PRH1: variants seen among roughly 807,000 people sequenced by gnomAD.
PRH1 encodes proline rich protein HaeIII subfamily 1, also known as salivary acidic proline-rich phosphoprotein 1/2.
Under a neutral mutation model 7.9 loss-of-function variants are expected in PRH1, and 7 were observed. The ratio of observed to expected loss-of-function variants is 0.89; its 90% confidence interval spans 0.50 to 1.67. The LOEUF is 1.67. Ranked by LOEUF, PRH1 falls within the 40% of genes most tolerant of loss-of-function variation. The pLI is 0.00. For missense variants in PRH1, 109 were observed against 223.6 expected, an observed-to-expected ratio of 0.49 and a Z score of 3.27; for synonymous variants, 45 against 80.8, an observed-to-expected ratio of 0.56 and a Z score of 2.38.
At chr12:10,965,361 A>C (rs894120020) in intron 2 of PRH1, 1 of 1,100,378 alleles carries the variant, frequency 9.1e-7, no homozygotes, top group Non-Finnish European at 1.3e-6. Context: ...ATGTCTGAAC[A>C]GACAAAAAGA....
At chr12:11,154,383 C>T (rs959613304) in intron 1 of PRH1, among the ~76,000 whole-genome samples, 6 of 152,110 alleles carry the variant, frequency 3.9e-5, no homozygotes, top group Non-Finnish European at 8.8e-5. Context: ...ATATAAATGA[C>T]AGCCATATAC....
intron 2 of PRH1, among the ~76,000 whole-genome samples, chr12:10,899,147 T>G (rs1025763468): frequency 6.6e-6 from 1 of 152,216 alleles, no homozygotes; most frequent in African/African-American, 2.4e-5. Context: ...AATAAATTGT[T>G]TTTTATTTCA....
At chr12:11,053,396 T>A (rs1367145844) in intron 1 of PRH1, among the ~76,000 whole-genome samples, 1 of 151,802 alleles carries the variant, frequency 6.6e-6, no homozygotes, top group Non-Finnish European at 1.5e-5. Context: ...GTTTATTTAT[T>A]TTTCTTACTA....
Position 10,985,850 on chromosome 12 carries a change from A to G in PRH1, c.-125-12129T>C. 3 of 1,205,646 alleles carry G rather than the reference A, an allele frequency of 2.5e-6. No homozygotes were observed. In the South Asian group the frequency reaches 4.8e-5, roughly 19 times the overall value. The allele number at this position is 1,205,646 out of a possible 1,614,324, so 74.7% of individuals were successfully genotyped here. The stretch of plus-strand genomic sequence containing the variant: ...ACTCAAAAACATACACTACAGAAAA[A>G]ACAGTAAAAAGTATAAAATGTTCCA... On this transcript the variant is annotated intron_variant, in intron 1 of 3. Coordinates refer to the PRH1 transcript ENST00000539853.
chr12:11,086,293 G>T (rs77797086), intron 1 of PRH1, among the ~76,000 whole-genome samples: 53,254 of 112,594 alleles, frequency 0.47, 8,827 homozygotes, highest in Non-Finnish European at 0.56. Context: ...GTTATTTAAT[G>T]AAAATATTCA....
intron 2 of PRH1, among the ~76,000 whole-genome samples, chr12:10,963,785 A>G (rs947201770): frequency 1.3e-5 from 2 of 152,236 alleles, no homozygotes; most frequent in Admixed American, 6.5e-5. Flanking sequence ...GTAGACATAT[A>G]CAAAATGTAT....
upstream of PRH1, chr12:11,048,195 T>TA (rs34117799): frequency 0.03 from 4,601 of 151,102 alleles, 100 homozygotes; most frequent in Non-Finnish European, 0.039. Context: ...GATAGATAGA[T>TA]GACTTTTCTA....
chr12:10,962,987 G>T (rs979457689), intron 2 of PRH1, among the ~76,000 whole-genome samples: 1 of 152,188 alleles, frequency 6.6e-6, no homozygotes, highest in African/African-American at 2.4e-5. Flanking sequence ...AGCCAGGACG[G>T]TCTTGATCTC....
Position 11,039,546 on chromosome 12 carries a change from C to T in PRH1, c.-126+7474G>A, listed in dbSNP as rs1942613317. Among the ~76,000 whole-genome samples the T allele has an allele frequency of 2.0e-5, 3 of 152,312 alleles. No individual in the cohort carries two copies. In the South Asian group the frequency reaches 6.2e-4, roughly 32 times the overall value. On this transcript the variant is annotated intron_variant, in intron 1 of 3. Coordinates refer to the PRH1 transcript ENST00000539853. ...CAATTTTTTCCTTGTTTAAACTCTCCATAATTTGTGTTCAGCAATTTAACA... is the reference window on the plus strand; with the variant it reads ...CAATTTTTTCCTTGTTTAAACTCTCTATAATTTGTGTTCAGCAATTTAACA...
intron 2 of PRH1, among the ~76,000 whole-genome samples, chr12:10,943,078 G>A (rs1288565486): frequency 6.6e-6 from 1 of 152,182 alleles, no homozygotes; most frequent in African/African-American, 2.4e-5. Context: ...TGCAGGAGCA[G>A]CCCACTTTCT....
At chr12:10,974,271 C>T (rs1412199700) in intron 1 of PRH1, among the ~76,000 whole-genome samples, 2 of 152,182 alleles carry the variant, frequency 1.3e-5, no homozygotes, top group Non-Finnish European at 2.9e-5. Flanking sequence ...CTGCACCCCA[C>T]CCCAGTCTAC....
At chr12:11,035,928 C>T (rs1363311592) in intron 1 of PRH1, among the ~76,000 whole-genome samples, 3 of 151,994 alleles carry the variant, frequency 2.0e-5, no homozygotes, top group African/African-American at 7.2e-5. Context: ...CGGAGTGTCG[C>T]TGTCTCCCAG....
chr12:11,165,789 C>G (rs1384441582), intron 1 of PRH1, among the ~76,000 whole-genome samples: 1 of 152,206 alleles, frequency 6.6e-6, no homozygotes, highest in Non-Finnish European at 1.5e-5. Context: ...TGGTGGAATG[C>G]CAGTAACTTG....
At chr12:10,986,839 A>C in intron 1 of PRH1, 1 of 1,542,036 alleles carries the variant, frequency 6.5e-7, no homozygotes, top group South Asian at 1.3e-5. Flanking sequence ...ATTGAAAAAA[A>C]AATGTATAGA....
intron 2 of PRH1, chr12:10,973,257 T>C (rs1591751156): frequency 6.5e-6 from 1 of 154,622 alleles, no homozygotes; most frequent in East Asian, 1.9e-4. Flanking sequence ...ATGTGATATT[T>C]GAATATATTT....
At chr12:10,884,122 G>C (rs749839679) in intron 1 of PRH1, 32 bp downstream of exon 1, 7 of 1,613,624 alleles carry the variant, frequency 4.3e-6, no homozygotes, top group Admixed American at 1.7e-5. Flanking sequence ...ACCCCAATCA[G>C]AGTCACAATA....
intron 2 of PRH1, among the ~76,000 whole-genome samples, chr12:10,940,685 G>A (rs372676326): frequency 4.6e-5 from 7 of 152,144 alleles, no homozygotes; most frequent in African/African-American, 9.7e-5. Context: ...TAGCCAAGAC[G>A]GGGAAATCAG....
rs371359132 is a variant in PRH1, at chr12:11,133,370, G to A, written n.40-12190C>T. On this transcript the variant is annotated intron_variant and non_coding_transcript_variant, in intron 1 of 1. Transcript: ENST00000541175. The stretch of plus-strand genomic sequence containing the variant: ...CCAGTACCTCACATGCCGCAAAACT[G>A]AAAGAAAAATCTGCTTTAGCTTCTT... The A allele has an allele frequency of 2.5e-6, 4 of 1,613,804 alleles. No individual in the cohort carries two copies. The East Asian group carries it at 6.7e-5, about 27-fold the overall frequency.
chr12:10,962,697 G>T (rs1003623415), intron 2 of PRH1, among the ~76,000 whole-genome samples: 4 of 151,630 alleles, frequency 2.6e-5, no homozygotes, highest in African/African-American at 9.8e-5. Flanking sequence ...AATATTTTTG[G>T]CTATCTATTT....
Sources: allele counts gnomAD v4.1 joint callset (sites outside exome capture counted in the v4.1 genomes callset), GRCh38; gene constraint gnomAD v4.1.1; transcripts MANE v1.5; gene names NCBI Gene and HGNC (gene_info 2026-07-23, HGNC 2026-07-21).